The following SH3RF2 variants were observed in gnomAD, a reference collection of about 807,000 sequenced individuals.
SH3RF2 encodes the protein E3 ubiquitin-protein ligase SH3RF2.
Under a neutral mutation model 59.0 loss-of-function variants are expected in SH3RF2, and 43 were observed. The ratio of observed to expected loss-of-function variants is 0.73; its 90% CI spans 0.57 to 0.94. The LOEUF (loss-of-function observed/expected upper bound fraction) is 0.94, where lower values mean the gene tolerates loss of function less well. Ranked by LOEUF, SH3RF2 falls within the 40% of genes least tolerant of loss-of-function variation. The pLI is 0.00. For missense variants in SH3RF2, 930 were observed against 940.1 expected, an observed-to-expected ratio of 0.99 and a Z score of 0.14; for synonymous variants, 391 against 391.5, an observed-to-expected ratio of 1.00 and a Z score of 0.01.
intron 5 of SH3RF2, among the ~76,000 whole-genome samples, chr5:146,026,580 G>A (rs1761538421): frequency 6.6e-6 from 1 of 152,192 alleles, no homozygotes; most frequent in Admixed American, 6.6e-5. Context: ...GTCTTCTGCG[G>A]GAGCACACAT....
At chr5:146,039,265 G>A (rs950652403) in intron 5 of SH3RF2, among the ~76,000 whole-genome samples, 4 of 152,086 alleles carry the variant, frequency 2.6e-5, no homozygotes, top group Admixed American at 6.6e-5. Flanking sequence ...GTTTAAAAAC[G>A]TGAACCATAG....
At chr5:146,010,664 G>A (rs1467620047) in intron 4 of SH3RF2, among the ~76,000 whole-genome samples, 5 of 152,154 alleles carry the variant, frequency 3.3e-5, no homozygotes, top group Non-Finnish European at 7.3e-5. Context: ...TCTTTTTGCT[G>A]CATAAATGTC....
intron 2 of SH3RF2, among the ~76,000 whole-genome samples, chr5:145,957,867 C>T (rs917170508): frequency 2.0e-5 from 3 of 152,194 alleles, no homozygotes; most frequent in Non-Finnish European, 4.4e-5. Flanking sequence ...AATCCCAATA[C>T]TTTGAGAGGC....
chr5:146,023,870 G>C (rs756343150), intron 5 of SH3RF2, among the ~76,000 whole-genome samples: 2 of 152,148 alleles, frequency 1.3e-5, no homozygotes, highest in Non-Finnish European at 1.5e-5. Flanking sequence ...CGAATATTTG[G>C]ATCTTTGTGG....
At position 146,017,229 on chromosome 5, in the gene SH3RF2, G is replaced by A. The variant is rs186332910; in HGVS notation, c.1059+3168G>A. 3.2e-3 allele frequency among the ~76,000 whole-genome samples: 482 copies of A among 152,314 alleles called. 4 individuals are homozygous for A. The highest frequency in any genetic ancestry group is 2.9e-3 in the Non-Finnish European group (199 of 68,030). On this transcript the variant is annotated intron_variant, in intron 5 of 9. Coordinates refer to ENST00000359120, the MANE Select transcript of SH3RF2 (RefSeq NM_152550.4). ...GATTAGACCTGAAGATACTGAGTAA[G>A]TTCGGTGGAAAACTGCAGTGGAGGA... is the stretch of plus-strand genomic sequence containing the variant.
intron 2 of SH3RF2, among the ~76,000 whole-genome samples, chr5:145,952,756 A>C (rs570381350): frequency 1.3e-5 from 2 of 152,318 alleles, no homozygotes; most frequent in East Asian, 3.9e-4. Flanking sequence ...AGGCGTAAGG[A>C]CATTGGCAGG....
chr5:146,058,609 T>C (rs1762767494), intron 8 of SH3RF2, among the ~76,000 whole-genome samples: 1 of 152,132 alleles, frequency 6.6e-6, no homozygotes, highest in African/African-American at 2.4e-5. Flanking sequence ...TGATTCAAAC[T>C]CAAGTCCTTG....
rs571376924 is a variant in SH3RF2 at position 145,945,356 on chromosome 5, G to A, written c.378+7050G>A. On this transcript the variant is annotated intron_variant, in intron 2 of 9. Coordinates refer to ENST00000359120, the MANE Select transcript of SH3RF2 (RefSeq NM_152550.4). Reference sequence around the variant, plus strand: ...TTTATGCAATGGTATATAGTTTTACGAAAACATCAAAGTAGACACTTAAAC... The same window carrying A: ...TTTATGCAATGGTATATAGTTTTACAAAAACATCAAAGTAGACACTTAAAC... 2.4e-3 allele frequency among the ~76,000 whole-genome samples: 367 copies of A among 152,158 alleles called. 2 individuals are homozygous for A. Among genetic ancestry groups the A allele is most frequent in the African/African-American group, 7.9e-3 (326 of 41,528 alleles).
chr5:146,050,814 G>A (rs1257059274), intron 7 of SH3RF2, among the ~76,000 whole-genome samples: 3 of 152,210 alleles, frequency 2.0e-5, no homozygotes, highest in Non-Finnish European at 4.4e-5. Flanking sequence ...ATTTTTGGGG[G>A]TGGTTACAAT....
chr5:146,073,814 C>G (rs35291206), intron 9 of SH3RF2, among the ~76,000 whole-genome samples: 41,481 of 151,994 alleles, frequency 0.27, 6,445 homozygotes, highest in Admixed American at 0.37. Context: ...TTCTACATGT[C>G]AGATGTTATG....
At chr5:145,977,494 C>T (rs1442338625) in intron 2 of SH3RF2, among the ~76,000 whole-genome samples, 1 of 152,172 alleles carries the variant, frequency 6.6e-6, no homozygotes, top group East Asian at 1.9e-4. Context: ...TGAATTCAGC[C>T]TCTGCTTACC....
In SH3RF2 at chr5:146,004,146, T is replaced by C; in HGVS notation, c.737T>C (p.Phe246Ser). Residue 246 changes from phenylalanine (F) to serine (S), a missense_variant, in exon 4 of 10, where the codon TTT becomes TCT. Transcript: ENST00000359120. ...AAAGTAGGCATCTTCCCTATCTTGTTTGTAGAGGTACGTGAGTATCAAGTC... is the reference window on the plus strand; with the variant it reads ...AAAGTAGGCATCTTCCCTATCTTGTCTGTAGAGGTACGTGAGTATCAAGTC... ...GDKVGIFPIL[F>S]VEPNLTARHL... is the part of the protein sequence containing the mutation. 1 of 1,611,612 alleles carries C rather than the reference T, an allele frequency of 6.2e-7. No individual in the cohort carries two copies. The highest frequency in any genetic ancestry group is 8.5e-7 in the Non-Finnish European group (1 of 1,178,174).
At chr5:146,053,435 G>T (rs189477076) in intron 7 of SH3RF2, among the ~76,000 whole-genome samples, 63 of 107,798 alleles carry the variant, frequency 5.8e-4, no homozygotes, top group African/African-American at 1.6e-3. Flanking sequence ...GGAGGCAGAG[G>T]TTTCCTTTCT....
intron 2 of SH3RF2, among the ~76,000 whole-genome samples, chr5:145,970,949 A>G (rs1004224602): frequency 1.3e-5 from 2 of 152,220 alleles, no homozygotes; most frequent in African/African-American, 4.8e-5. Context: ...AATGGAGTAA[A>G]GCAACCTCTT....
intron 5 of SH3RF2, among the ~76,000 whole-genome samples, chr5:146,040,930 G>A (rs536225039): frequency 1.3e-5 from 2 of 152,282 alleles, no homozygotes; most frequent in Admixed American, 1.3e-4. Context: ...CCACTTGCCT[G>A]CAGACCTATT....
At chr5:146,022,333 G>A (rs1452331061) in intron 5 of SH3RF2, among the ~76,000 whole-genome samples, 1 of 151,976 alleles carries the variant, frequency 6.6e-6, no homozygotes, top group African/African-American at 2.4e-5. Context: ...TCAGCCTCCC[G>A]AGTAGTTGGG....
At chr5:145,939,713 G>T (rs551048120) in intron 2 of SH3RF2, among the ~76,000 whole-genome samples, 47 of 152,232 alleles carry the variant, frequency 3.1e-4, no homozygotes, top group African/African-American at 1.1e-3. Context: ...GCGAAGTAGG[G>T]GTGGGGAAGC....
chr5:146,039,233 GA>G (rs1338747449), intron 5 of SH3RF2, among the ~76,000 whole-genome samples: 3 of 151,708 alleles, frequency 2.0e-5, no homozygotes, highest in South Asian at 4.2e-4. Context: ...ACCTTGGGAG[GA>G]AAAAAAACTT....
chr5:146,064,751 G>GAAGGAAGGAAAGGAAGGAAGGA (rs1554121881), downstream of SH3RF2, among the ~76,000 whole-genome samples: 5 of 6,586 alleles, frequency 7.6e-4, no homozygotes, highest in South Asian at 0.014. Context: ...AGGAAGGAAG[G>GAAGGAAGGAAAGGAAGGAAGGA]AAGGAAGGAA....
Sources: allele counts gnomAD v4.1 joint callset (sites outside exome capture counted in the v4.1 genomes callset), GRCh38; gene constraint gnomAD v4.1.1; transcripts MANE v1.5; gene names NCBI Gene and HGNC (gene_info 2026-07-23, HGNC 2026-07-21).